UNC5D: variants seen among roughly 807,000 people sequenced by gnomAD.
The protein encoded by UNC5D is netrin receptor UNC5D.
UNC5D carries 39 observed loss-of-function variants against 105.4 expected under a neutral mutation model. That is an observed-to-expected ratio of 0.37 (90% CI 0.29 to 0.48). The LOEUF is 0.48. Ranked by LOEUF, UNC5D falls within the 20% of genes least tolerant of loss-of-function variation. The probability of loss-of-function intolerance (pLI) is 0.98; values close to 1 mark genes in which losing one functional copy is unlikely to be tolerated. For synonymous variants in UNC5D, 452 were observed against 450.4 expected, an observed-to-expected ratio of 1.00 and a Z score of -0.04; for missense variants, 991 against 1,202.4, an observed-to-expected ratio of 0.82 and a Z score of 2.60.
intron 4 of UNC5D, among the ~76,000 whole-genome samples, chr8:35,678,343 T>G (rs1482227951): frequency 6.6e-6 from 1 of 152,184 alleles, no homozygotes; most frequent in East Asian, 1.9e-4. Context: ...CTCTTTCATT[T>G]TGGGTTTCAG....
chr8:35,314,958 A>T (rs997724351), intron 1 of UNC5D, among the ~76,000 whole-genome samples: 5 of 152,168 alleles, frequency 3.3e-5, no homozygotes, highest in African/African-American at 1.2e-4. Flanking sequence ...AGTTAAGCTA[A>T]GAGAATTAGG....
At chr8:35,287,401 ATG>A (rs948562512) in intron 1 of UNC5D, among the ~76,000 whole-genome samples, 3 of 152,222 alleles carry the variant, frequency 2.0e-5, no homozygotes, top group African/African-American at 7.2e-5. Flanking sequence ...TATAAACAAA[ATG>A]AAAAGTTTGA....
intron 4 of UNC5D, among the ~76,000 whole-genome samples, chr8:35,596,955 A>G (rs533600671): frequency 6.6e-6 from 1 of 152,264 alleles, no homozygotes; most frequent in Admixed American, 6.5e-5. Flanking sequence ...TCAGCAGCAC[A>G]TGGTCCAGGT....
At chr8:35,764,615 C>T (rs969766590) in intron 14 of UNC5D, among the ~76,000 whole-genome samples, 1 of 152,118 alleles carries the variant, frequency 6.6e-6, no homozygotes, top group African/African-American at 2.4e-5. Context: ...ATCAGAAATG[C>T]CCTCTGCTGC....
chr8:35,411,166 C>T (rs1301828679), intron 1 of UNC5D, among the ~76,000 whole-genome samples: 3 of 151,950 alleles, frequency 2.0e-5, no homozygotes, highest in Non-Finnish European at 2.9e-5. Context: ...GCTATTCTAG[C>T]GACGACCCAT....
chr8:35,663,690 A>T (rs1328299457), intron 4 of UNC5D, among the ~76,000 whole-genome samples: 2 of 152,148 alleles, frequency 1.3e-5, no homozygotes, highest in Non-Finnish European at 2.9e-5. Context: ...AAAAAGAGAG[A>T]ATGATTTATA....
intron 14 of UNC5D, 30 bp downstream of exon 14, chr8:35,759,499 C>T (rs770451093): frequency 1.2e-5 from 19 of 1,597,882 alleles, no homozygotes; most frequent in South Asian, 2.3e-5. Context: ...CTAACAGAAA[C>T]GGCTTTGCTT....
At chr8:35,423,754 A>G (rs1806064056) in intron 1 of UNC5D, among the ~76,000 whole-genome samples, 1 of 152,178 alleles carries the variant, frequency 6.6e-6, no homozygotes, top group African/African-American at 2.4e-5. Flanking sequence ...ATGAAGAATG[A>G]CTGCCCTTAA....
chr8:35,265,269 G>A (rs1019336173), intron 1 of UNC5D, among the ~76,000 whole-genome samples: 1 of 152,050 alleles, frequency 6.6e-6, no homozygotes, highest in African/African-American at 2.4e-5. Flanking sequence ...TGATTAGCAA[G>A]GTGTGTTATG....
rs991288828 is a variant in UNC5D, at chr8:35,235,715, C to T, written c.-70C>T. ...CCCGAGACCCATTCGACTCGGGACC[C>T]TCATCGCCGACCCTTTCCCGGGCTC... On this transcript the variant is annotated 5_prime_UTR_variant, in exon 1 of 17. Transcript: ENST00000404895. The T allele has an allele frequency of 2.6e-6, 3 of 1,154,028 alleles. No individual in the cohort carries two copies. Among genetic ancestry groups the T allele is most frequent in the Non-Finnish European group, 3.3e-6 (3 of 917,602 alleles). 71.5% of individuals were successfully genotyped at this position (1,154,028 alleles called of 1,614,324 possible).
chr8:35,717,452 T>C (rs1208658032), intron 8 of UNC5D, among the ~76,000 whole-genome samples: 3 of 152,184 alleles, frequency 2.0e-5, no homozygotes, highest in Non-Finnish European at 4.4e-5. Context: ...TGACTGGATA[T>C]GATTATCATG....
At chr8:35,750,350 C>T (rs1342233240) in intron 12 of UNC5D, among the ~76,000 whole-genome samples, 6 of 151,750 alleles carry the variant, frequency 4.0e-5, no homozygotes, top group Non-Finnish European at 8.8e-5. Flanking sequence ...CTCAGCCTCC[C>T]AAAGTGCTGG....
At chr8:35,728,371 G>T (rs924906770) in intron 10 of UNC5D, among the ~76,000 whole-genome samples, 11 of 152,058 alleles carry the variant, frequency 7.2e-5, no homozygotes, top group Admixed American at 3.9e-4. Flanking sequence ...ATCAAAGAAA[G>T]CGAGATGAAA....
At chr8:35,456,196 T>A (rs1324815121) in intron 1 of UNC5D, among the ~76,000 whole-genome samples, 1 of 152,204 alleles carries the variant, frequency 6.6e-6, no homozygotes, top group African/African-American at 2.4e-5. Context: ...ATGGCATTTC[T>A]GATTCTTCCT....
intron 1 of UNC5D, among the ~76,000 whole-genome samples, chr8:35,424,341 A>G (rs1310352112): frequency 1.3e-5 from 2 of 152,232 alleles, no homozygotes; most frequent in East Asian, 3.9e-4. Context: ...TCATTTCACC[A>G]TGTAATCAAT....
Position 35,549,348 on chromosome 8 carries a change from C to A in UNC5D, c.160C>A (p.Pro54Thr). ...ESIPSAPGTLPHFIEEPDDAY... is the reference protein window; with the variant it reads ...ESIPSAPGTLTHFIEEPDDAY... ...CATCCCATCAGCTCCTGGGACACTG[C>A]CTCATTTCATAGAGGAGCCAGATGA... The change falls in exon 2 of 17, where the codon CCT becomes ACT. Residue 54 changes from proline to threonine, a missense_variant. Physicochemically the swap from Pro to Thr is conservative, Grantham distance 38. This residue lies in a region of UNC5D where 944 missense variants were observed against 1,131.6 expected (regional missense o/e 0.83). Transcript: ENST00000404895. 6.2e-7 allele frequency: 1 copy of A among 1,613,550 alleles called. No homozygotes were observed. Among genetic ancestry groups the A allele is most frequent in the Non-Finnish European group, 8.5e-7 (1 of 1,180,044 alleles).
intron 15 of UNC5D, among the ~76,000 whole-genome samples, chr8:35,767,408 A>G (rs1801822272): frequency 6.6e-6 from 1 of 152,138 alleles, no homozygotes; most frequent in Non-Finnish European, 1.5e-5. Context: ...CTGAAGCCAG[A>G]TGGTACAGTT....
At chr8:35,260,102 A>G (rs1287294062) in intron 1 of UNC5D, among the ~76,000 whole-genome samples, 2 of 152,168 alleles carry the variant, frequency 1.3e-5, no homozygotes, top group East Asian at 3.9e-4. Context: ...CACCATCAGG[A>G]ACTTGCCAGT....
rs540344157 is a variant in UNC5D, at chr8:35,774,961, C to G, written c.2657+484C>G. Among the ~76,000 whole-genome samples the G allele has an allele frequency of 2.0e-5, 3 of 149,454 alleles. No individual in the cohort carries two copies. The East Asian group carries it at 6.0e-4, about 30-fold the overall frequency. ...AAAAAAGACACTCTGTGTGACATTT[C>G]CTGCTACCCCATTCTGCCTTTTGCA... On this transcript the variant is annotated intron_variant, in intron 16 of 16. Coordinates refer to ENST00000404895, the MANE Select transcript of UNC5D (RefSeq NM_080872.4).
Sources: gnomAD v4.1 joint callset for allele counts (sites outside exome capture counted in the v4.1 genomes callset) on GRCh38, gnomAD v4.1.1 for gene constraint, gnomAD v4.1.1 regional missense constraint, MANE v1.5 for transcripts, NCBI Gene and HGNC (gene_info 2026-07-23, HGNC 2026-07-21) for gene names.